SV2C: variants seen among roughly 807,000 people sequenced by gnomAD.
SV2C encodes the protein synaptic vesicle glycoprotein 2C, also known as solute carrier family 22 member B3.
In SV2C, 49 loss-of-function variants were observed where a neutral mutation model predicts 79.7. That is an observed-to-expected ratio of 0.61 (90% CI 0.49 to 0.78). The LOEUF is 0.78. Ranked by LOEUF, SV2C falls within the 30% of genes least tolerant of loss-of-function variation. SV2C has a pLI of 0.00. For missense variants in SV2C, 833 were observed against 912.9 expected (o/e 0.91, Z 1.13); for synonymous variants, 334 against 333.2 (o/e 1.00, Z -0.03).
intron 4 of SV2C, among the ~76,000 whole-genome samples, chr5:76,213,352 C>T (rs1334802119): frequency 1.3e-5 from 2 of 152,116 alleles, no homozygotes; most frequent in Admixed American, 1.3e-4. Flanking sequence ...GTGCTAATGA[C>T]ATTCTATATC....
At chr5:76,297,080 T>C (rs1005238947) in intron 9 of SV2C, among the ~76,000 whole-genome samples, 1 of 152,240 alleles carries the variant, frequency 6.6e-6, no homozygotes, top group African/African-American at 2.4e-5. Flanking sequence ...ACTCAGTCAC[T>C]GCTTAGAACT....
chr5:76,302,200 G>A (rs1231007839), intron 12 of SV2C, among the ~76,000 whole-genome samples: 1 of 152,176 alleles, frequency 6.6e-6, no homozygotes, highest in Non-Finnish European at 1.5e-5. Flanking sequence ...CCAGTCCTTA[G>A]AGGGTCGTTT....
At chr5:75,987,675 G>C in the SV2C span, among the ~76,000 whole-genome samples, 1 of 152,012 alleles carries the variant, frequency 6.6e-6, no homozygotes, top group African/African-American at 2.4e-5. Context: ...AATCTCTGCT[G>C]TGTTCATTTC....
rs1260770624 is a variant in SV2C at position 76,328,287 on chromosome 5, A to T, written c.*2740A>T. 1 of 152,224 alleles carries T rather than the reference A, an allele frequency of 6.6e-6. No homozygotes were observed. The allele number at this position is 152,224 out of a possible 1,614,324, so 9.4% of individuals were successfully genotyped here. On this transcript the variant is annotated 3_prime_UTR_variant, in exon 13 of 13. Transcript: ENST00000502798. ...AAGGAAAATGAAAATTTGTACAAAA[A>T]TGAAAACCTAGGAAATAGTCCACTT...
At chr5:76,147,253 G>A (rs1749466040) in intron 2 of SV2C, among the ~76,000 whole-genome samples, 1 of 152,174 alleles carries the variant, frequency 6.6e-6, no homozygotes, top group Admixed American at 6.5e-5. Context: ...GAAAAAGTCA[G>A]AAAGAAGTCC....
downstream of SV2C, among the ~76,000 whole-genome samples, chr5:76,336,293 G>A (rs896129080): frequency 6.6e-6 from 1 of 151,788 alleles, no homozygotes; most frequent in African/African-American, 2.4e-5. Flanking sequence ...CCTCTCAGAC[G>A]GGGCGGCCGG....
intron 9 of SV2C, among the ~76,000 whole-genome samples, chr5:76,298,315 A>G (rs145069269): frequency 6.6e-6 from 1 of 152,320 alleles, no homozygotes; most frequent in African/African-American, 2.4e-5. Context: ...AGGTCCCTAC[A>G]CTAGAATGAA....
intron 4 of SV2C, among the ~76,000 whole-genome samples, chr5:76,225,711 G>C (rs1745215744): frequency 6.6e-6 from 1 of 152,178 alleles, no homozygotes. Flanking sequence ...GAGATAACCA[G>C]CATGGGTTAG....
At chr5:75,954,436 C>T in the SV2C span, among the ~76,000 whole-genome samples, 2 of 152,030 alleles carry the variant, frequency 1.3e-5, no homozygotes, top group East Asian at 1.9e-4. Context: ...TAGCCAATAC[C>T]ACACTGAATG....
the SV2C span, among the ~76,000 whole-genome samples, chr5:76,009,996 T>TTG: frequency 1.5e-4 from 4 of 26,802 alleles, no homozygotes; most frequent in African/African-American, 2.6e-4. Context: ...ATTTTGTTTT[T>TTG]TTTTTTTTTT....
At chr5:76,270,989 G>A (rs920750884) in intron 4 of SV2C, among the ~76,000 whole-genome samples, 4 of 151,998 alleles carry the variant, frequency 2.6e-5, no homozygotes, top group African/African-American at 9.7e-5. Flanking sequence ...CGCTGATCTC[G>A]AACTGCTGAC....
At chr5:76,255,068 A>G (rs2112446160) in intron 4 of SV2C, among the ~76,000 whole-genome samples, 1 of 152,282 alleles carries the variant, frequency 6.6e-6, no homozygotes, top group African/African-American at 2.4e-5. Context: ...GCTTTTCCCT[A>G]TTATTCTGTC....
At chr5:76,351,136 A>G (rs1027918553) in intron 12 of SV2C, among the ~76,000 whole-genome samples, 1 of 152,202 alleles carries the variant, frequency 6.6e-6, no homozygotes, top group African/African-American at 2.4e-5. Context: ...GGAGGCGGCC[A>G]TTGACCTGAA....
chr5:76,026,829 A>G, the SV2C span, among the ~76,000 whole-genome samples: 1 of 152,184 alleles, frequency 6.6e-6, no homozygotes, highest in Non-Finnish European at 1.5e-5. Flanking sequence ...AACGGGAAAG[A>G]TTAAGGATGG....
the SV2C span, among the ~76,000 whole-genome samples, chr5:75,914,158 A>AATGAG: frequency 3.9e-5 from 6 of 152,160 alleles, no homozygotes; most frequent in Non-Finnish European, 8.8e-5. Flanking sequence ...TTTAAAGTAC[A>AATGAG]ATGAGGATTT....
chr5:75,900,511 T>G, the SV2C span, among the ~76,000 whole-genome samples: 1 of 152,146 alleles, frequency 6.6e-6, no homozygotes, highest in African/African-American at 2.4e-5. Context: ...TTCCTTCATT[T>G]CAACTTTGGC....
chr5:76,280,933 A>G, intron 4 of SV2C: 2 of 531,288 alleles, frequency 3.8e-6, no homozygotes, highest in Non-Finnish European at 7.6e-6. Flanking sequence ...AGAGCGCGAC[A>G]GGGTCTGAGC....
chr5:75,884,798 TAAA>T, the SV2C span, among the ~76,000 whole-genome samples: 2 of 150,792 alleles, frequency 1.3e-5, no homozygotes, highest in African/African-American at 4.8e-5. Context: ...CAATTATAAA[TAAA>T]AAATTAATAA....
At position 76,288,910 on chromosome 5, in the gene SV2C, C is replaced by T. The variant is rs561816958; in HGVS notation, c.1138-2311C>T. Among the ~76,000 whole-genome samples the T allele has an allele frequency of 1.3e-5, 2 of 151,046 alleles. 1 individual carries two copies. ...TTCCTTATTTTTTGAGACAGGGTCT[C>T]GTTCTGTTGCCCAGGCTGGAGTGCA... On this transcript the variant is annotated intron_variant, in intron 6 of 12. Transcript: ENST00000502798.
Sources: allele counts gnomAD v4.1 joint callset (sites outside exome capture counted in the v4.1 genomes callset), GRCh38; gene constraint gnomAD v4.1.1; transcripts MANE v1.5; gene names NCBI Gene and HGNC (gene_info 2026-07-23, HGNC 2026-07-21).